Variants in DTHD1 observed in about 807,000 individuals in gnomAD.
DTHD1 encodes the protein death domain containing 1.
In DTHD1, 59 loss-of-function variants were observed where a neutral mutation model predicts 74.8. The observed-to-expected ratio is 0.79, with a 90% CI of 0.64 to 0.98. The LOEUF is 0.98. DTHD1 is among the 50% of genes least tolerant of loss of function. The pLI, the probability that DTHD1 is intolerant of heterozygous loss-of-function variation, is 0.00. For missense variants in DTHD1, 1,051 were observed against 1,065.4 expected (o/e 0.99, Z 0.19); for synonymous variants, 365 against 371.1 (o/e 0.98, Z 0.19).
chr4:36,317,509 G>A (rs1757801497), intron 8 of DTHD1, among the ~76,000 whole-genome samples: 2 of 150,952 alleles, frequency 1.3e-5, no homozygotes, highest in African/African-American at 2.4e-5. Flanking sequence ...TAGACTACAT[G>A]GTAAATTTAT....
chr4:36,324,272 C>T (rs548695545), intron 8 of DTHD1, among the ~76,000 whole-genome samples: 18 of 152,000 alleles, frequency 1.2e-4, no homozygotes, highest in African/African-American at 3.6e-4. Context: ...CCCCTCTCAA[C>T]GCCTCCCTCC....
At chr4:36,295,592 A>T (rs1453442891) in intron 5 of DTHD1, among the ~76,000 whole-genome samples, 1 of 152,126 alleles carries the variant, frequency 6.6e-6, no homozygotes, top group African/African-American at 2.4e-5. Context: ...ATTAAAAAAA[A>T]CTTGTAGAAA....
At chr4:36,312,731 T>C (rs1336752461) in intron 7 of DTHD1, among the ~76,000 whole-genome samples, 1 of 152,148 alleles carries the variant, frequency 6.6e-6, no homozygotes, top group Admixed American at 6.5e-5. Flanking sequence ...GAGCCTGAGA[T>C]GGCTGGATCA....
intron 8 of DTHD1, among the ~76,000 whole-genome samples, chr4:36,318,374 T>A (rs1419600709): frequency 6.6e-6 from 1 of 152,188 alleles, no homozygotes; most frequent in Non-Finnish European, 1.5e-5. Flanking sequence ...TAACAAATGA[T>A]ATGACCTGGA....
chr4:36,316,361 A>G lies in DTHD1; in HGVS notation c.2215A>G (p.Lys739Glu), dbSNP rs1312038858. Residue 739 changes from lysine (K) to glutamate (E), a missense_variant, in exon 8 of 10, where the codon AAA becomes GAA. Transcript: ENST00000639862. ...EFGNYSCPHY[K>E]GTIVVYKVPK... ...TGGAAACTATAGTTGCCCTCATTAC[A>G]AAGGCACCATTGTCGTTTATAAAGT... 5 of 1,552,208 alleles carry G rather than the reference A, an allele frequency of 3.2e-6. No individual in the cohort carries two copies. Among genetic ancestry groups the G allele is most frequent in the Non-Finnish European group, 2.6e-6 (3 of 1,147,088 alleles).
At chr4:36,326,461 A>C (rs151224838) in intron 8 of DTHD1, among the ~76,000 whole-genome samples, 1 of 151,344 alleles carries the variant, frequency 6.6e-6, no homozygotes, top group Non-Finnish European at 1.5e-5. Flanking sequence ...TAAGAAACTG[A>C]AGCATATAGA....
chr4:36,314,069 GT>G (rs375245524), intron 7 of DTHD1, among the ~76,000 whole-genome samples: 13,615 of 138,928 alleles, frequency 0.098, 1,211 homozygotes, highest in African/African-American at 0.26. Flanking sequence ...CTAGGAATCT[GT>G]TTTTTTTTTT....
In DTHD1 at chr4:36,343,808, A is replaced by T. The variant is rs1347940083; in HGVS notation, c.2705A>T (p.Asp902Val). Residue 902 changes from aspartate to valine, a missense_variant, in exon 10 of 10, where the codon GAT becomes GTT. Transcript: ENST00000639862. ...TTCACTGAACCACAGCAGTGTTTTG[A>T]TGTAGCCCCTGAGTAAAAGCCTGAT... ...KVFTEPQQCFDVAPE is the reference protein window; with the variant it reads ...KVFTEPQQCFVVAPE 6.5e-7 allele frequency: 1 copy of T among 1,547,604 alleles called. No homozygotes were observed. Among genetic ancestry groups the T allele is most frequent in the East Asian group, 2.4e-5 (1 of 40,846 alleles).
At chr4:36,299,864 C>T (rs1289748305) in intron 5 of DTHD1, among the ~76,000 whole-genome samples, 1 of 151,616 alleles carries the variant, frequency 6.6e-6, no homozygotes, top group Non-Finnish European at 1.5e-5. Flanking sequence ...TTATATTTTC[C>T]CAGCTACTGG....
At chr4:36,301,089 A>G (rs1356221871) in intron 5 of DTHD1, among the ~76,000 whole-genome samples, 1 of 152,146 alleles carries the variant, frequency 6.6e-6, no homozygotes, top group Non-Finnish European at 1.5e-5. Context: ...AGATTTTTTA[A>G]TCTTGTGAAA....
intron 8 of DTHD1, among the ~76,000 whole-genome samples, chr4:36,334,753 A>C (rs1247715403): frequency 6.6e-6 from 1 of 152,246 alleles, no homozygotes; most frequent in Non-Finnish European, 1.5e-5. Context: ...AAAGCAGCGG[A>C]GATCTGAAAT....
At chr4:36,318,608 TTTTC>T (rs1757866716) in intron 8 of DTHD1, among the ~76,000 whole-genome samples, 4 of 114,698 alleles carry the variant, frequency 3.5e-5, no homozygotes, top group Non-Finnish European at 5.3e-5. Flanking sequence ...TTTCTTTTTC[TTTTC>T]TTTTTTTTTT....
chr4:36,306,539 T>C (rs781620630), intron 6 of DTHD1, among the ~76,000 whole-genome samples, 187 bp downstream of exon 6: 1 of 152,252 alleles, frequency 6.6e-6, no homozygotes, highest in Non-Finnish European at 1.5e-5. Context: ...TCATTTATGA[T>C]AGTTAAACAA....
In DTHD1 at chr4:36,281,834, A is replaced by C. The variant is rs572049223; in HGVS notation, c.76A>C (p.Lys26Gln). 2 of 1,244,802 alleles carry C rather than the reference A, an allele frequency of 1.6e-6. No individual in the cohort carries two copies. The highest frequency in any genetic ancestry group is 1.5e-5 in the African/African-American group (1 of 64,926). 77.1% of individuals were successfully genotyped at this position (1,244,802 alleles called of 1,614,324 possible). A position where few individuals can be genotyped will look rare whatever the true frequency, so the allele number is the denominator to read the frequency against. ...GATTTGGAGACAAAACCAGATGCTA[A>C]AGCAGGCACTCTTGGGTGATGACCT... is the stretch of plus-strand genomic sequence containing the variant. ...KQIWRQNQML[K>Q]QALLGDDLCE... is the part of the protein sequence containing the mutation. Residue 26 changes from lysine (K) to glutamine (Q), a missense_variant, in exon 1 of 10, where the codon AAG becomes CAG. Transcript: ENST00000639862.
intron 5 of DTHD1, among the ~76,000 whole-genome samples, chr4:36,297,808 G>C (rs902395360): frequency 6.6e-6 from 1 of 152,180 alleles, no homozygotes; most frequent in South Asian, 2.1e-4. Flanking sequence ...AGCACCCACA[G>C]AATCAATTCC....
intron 8 of DTHD1, among the ~76,000 whole-genome samples, chr4:36,324,137 T>A (rs77556016): frequency 4.7e-4 from 71 of 151,928 alleles, no homozygotes; most frequent in South Asian, 3.5e-3. Flanking sequence ...TCCCTTCTCC[T>A]CCCCCCCATT....
intron 7 of DTHD1, among the ~76,000 whole-genome samples, chr4:36,314,842 A>T (rs964494574): frequency 6.9e-6 from 1 of 145,096 alleles, no homozygotes; most frequent in African/African-American, 2.6e-5. Context: ...TTTACTGAGC[A>T]CTTACTGTGT....
rs145345061 is a variant in DTHD1 at position 36,282,237 on chromosome 4, T to G, written c.271+208T>G. ...TCCCATTAGAAACACATGAATGAAG[T>G]GCTTTTGGACTTCAGAAGCAGTTTA... On this transcript the variant is annotated intron_variant, in intron 1 of 9. Coordinates refer to ENST00000639862, the MANE Select transcript of DTHD1 (RefSeq NM_001170700.3). Among the ~76,000 whole-genome samples, 124 of 152,244 alleles carry G rather than the reference T, an allele frequency of 8.1e-4. No homozygotes were observed. The Middle Eastern group carries it at 0.014, about 17-fold the overall frequency.
chr4:36,291,604 G>A (rs779695252), intron 3 of DTHD1, among the ~76,000 whole-genome samples: 1 of 152,164 alleles, frequency 6.6e-6, no homozygotes. Flanking sequence ...CAAGGTGGGC[G>A]AATCACCTGA....
Sources: gnomAD v4.1 joint callset for allele counts (sites outside exome capture counted in the v4.1 genomes callset) on GRCh38, gnomAD v4.1.1 for gene constraint, MANE v1.5 for transcripts, NCBI Gene and HGNC (gene_info 2026-07-23, HGNC 2026-07-21) for gene names.